The following NCKAP5 variants were observed in gnomAD, a reference collection of about 807,000 sequenced individuals.
NCKAP5 encodes NCK associated protein 5.
Under a neutral mutation model 167.0 loss-of-function variants are expected in NCKAP5, and 92 were observed. The observed-to-expected ratio is 0.55, with a 90% confidence interval of 0.47 to 0.66. The LOEUF (loss-of-function observed/expected upper bound fraction) is 0.66. Ranked by LOEUF, NCKAP5 falls within the 30% of genes least tolerant of loss-of-function variation. The pLI is 0.00. For missense variants in NCKAP5, 2,378 were observed against 2,315.0 expected, an observed-to-expected ratio of 1.03 and a Z score of -0.56; for synonymous variants, 891 against 877.4, an observed-to-expected ratio of 1.02 and a Z score of -0.27.
At chr2:133,162,278 T>G (rs534184753) in intron 5 of NCKAP5, among the ~76,000 whole-genome samples, 2 of 152,354 alleles carry the variant, frequency 1.3e-5, no homozygotes, top group South Asian at 4.1e-4. Context: ...TTAAAAGAAG[T>G]CATTTAATTA....
chr2:132,906,217 T>C (rs1340725217), intron 8 of NCKAP5, among the ~76,000 whole-genome samples: 1 of 152,210 alleles, frequency 6.6e-6, no homozygotes, highest in Non-Finnish European at 1.5e-5. Context: ...CTATAGTTAC[T>C]GGAGTAGCTA....
chr2:133,462,595 G>A (rs1342356731), intron 3 of NCKAP5, among the ~76,000 whole-genome samples: 1 of 152,152 alleles, frequency 6.6e-6, no homozygotes, highest in African/African-American at 2.4e-5. Flanking sequence ...ACAAGTAGAT[G>A]AGAACTAGCA....
At chr2:133,401,204 C>T (rs944606838) in intron 3 of NCKAP5, among the ~76,000 whole-genome samples, 6 of 152,200 alleles carry the variant, frequency 3.9e-5, no homozygotes, top group Admixed American at 1.3e-4. Context: ...GGATAGTGAA[C>T]GCATTGAGGT....
At chr2:133,315,336 A>G (rs1351101370) in intron 3 of NCKAP5, among the ~76,000 whole-genome samples, 2 of 152,212 alleles carry the variant, frequency 1.3e-5, no homozygotes, top group Non-Finnish European at 2.9e-5. Flanking sequence ...AATGTGGGAT[A>G]TGAAATAAAA....
intron 9 of NCKAP5, among the ~76,000 whole-genome samples, chr2:132,874,168 G>A (rs1179554565): frequency 1.4e-5 from 2 of 147,266 alleles, no homozygotes; most frequent in Non-Finnish European, 3.0e-5. Flanking sequence ...GAGTGCAGTG[G>A]CGCAATCTCA....
chr2:132,724,313 A>G (rs1318955140), intron 19 of NCKAP5, among the ~76,000 whole-genome samples: 3 of 152,104 alleles, frequency 2.0e-5, no homozygotes, highest in Admixed American at 6.5e-5. Flanking sequence ...TATGATATCT[A>G]TTGTTTACTA....
intron 19 of NCKAP5, among the ~76,000 whole-genome samples, chr2:132,694,563 C>T (rs1171281618): frequency 1.3e-5 from 2 of 152,164 alleles, no homozygotes; most frequent in East Asian, 1.9e-4. Flanking sequence ...GCCCAGGATT[C>T]GATTCCCAGT....
the NCKAP5 span, among the ~76,000 whole-genome samples, chr2:133,603,455 C>T: frequency 1.3e-5 from 2 of 152,138 alleles, no homozygotes; most frequent in Non-Finnish European, 2.9e-5. Context: ...AAACTCCCCA[C>T]CTCAGTTGAT....
chr2:133,658,073 C>G, the NCKAP5 span, among the ~76,000 whole-genome samples: 3 of 151,900 alleles, frequency 2.0e-5, no homozygotes, highest in Admixed American at 1.3e-4. Context: ...CCTCCCCTAA[C>G]AGAGTTCATC....
At chr2:132,968,136 G>C (rs1207094711) in intron 7 of NCKAP5, among the ~76,000 whole-genome samples, 2 of 152,170 alleles carry the variant, frequency 1.3e-5, no homozygotes, top group Non-Finnish European at 2.9e-5. Flanking sequence ...GGACCATAGA[G>C]GGTCTTTCTA....
chr2:133,216,477 G>A (rs1355468469), intron 4 of NCKAP5, among the ~76,000 whole-genome samples: 1 of 152,006 alleles, frequency 6.6e-6, no homozygotes, highest in Non-Finnish European at 1.5e-5. Flanking sequence ...TTAAGAACAA[G>A]AAATTGGAAC....
intron 4 of NCKAP5, among the ~76,000 whole-genome samples, chr2:133,254,414 G>T (rs959620761): frequency 6.6e-6 from 1 of 151,988 alleles, no homozygotes; most frequent in Non-Finnish European, 1.5e-5. Flanking sequence ...CAGATACTTC[G>T]ACGAGGCTGA....
chr2:133,351,734 C>T (rs967911232), intron 3 of NCKAP5, among the ~76,000 whole-genome samples: 4 of 152,142 alleles, frequency 2.6e-5, no homozygotes, highest in African/African-American at 4.8e-5. Flanking sequence ...CAGGCCAAAC[C>T]TGGGCACCTG....
intron 11 of NCKAP5, among the ~76,000 whole-genome samples, chr2:132,814,313 T>C (rs764549900): frequency 2.0e-5 from 3 of 152,220 alleles, no homozygotes; most frequent in Non-Finnish European, 2.9e-5. Flanking sequence ...CATGGTATTA[T>C]AAACAAGCAG....
At chr2:133,031,675 C>T (rs1257992918) in intron 6 of NCKAP5, among the ~76,000 whole-genome samples, 2 of 152,144 alleles carry the variant, frequency 1.3e-5, no homozygotes, top group Non-Finnish European at 1.5e-5. Flanking sequence ...CCTACCCCAG[C>T]TGCACAGCTC....
intron 19 of NCKAP5, among the ~76,000 whole-genome samples, chr2:132,722,674 A>G (rs530799517): frequency 1.3e-5 from 2 of 151,904 alleles, no homozygotes; most frequent in Admixed American, 6.6e-5. Flanking sequence ...TGGGCCCCCA[A>G]ATCTAGCATG....
intron 5 of NCKAP5, among the ~76,000 whole-genome samples, chr2:133,203,025 C>A (rs936311324): frequency 6.6e-6 from 1 of 152,124 alleles, no homozygotes; most frequent in South Asian, 2.1e-4. Flanking sequence ...TTTGACCCAG[C>A]CATCCCATTT....
chr2:133,095,848 C>T (rs1291448810), intron 6 of NCKAP5, among the ~76,000 whole-genome samples: 1 of 152,074 alleles, frequency 6.6e-6, no homozygotes, highest in African/African-American at 2.4e-5. Flanking sequence ...TACGAAATTG[C>T]CATTTCTATA....
At chr2:133,641,010 C>T in the NCKAP5 span, among the ~76,000 whole-genome samples, 1 of 152,234 alleles carries the variant, frequency 6.6e-6, no homozygotes, top group Non-Finnish European at 1.5e-5. Context: ...CTCAATTTCT[C>T]TCTTTATCCC....
Sources: gnomAD v4.1 joint callset for allele counts (sites outside exome capture counted in the v4.1 genomes callset) on GRCh38, gnomAD v4.1.1 for gene constraint, MANE v1.5 for transcripts, NCBI Gene and HGNC (gene_info 2026-07-23, HGNC 2026-07-21) for gene names.